Variants in NIBAN1 observed in about 807,000 individuals in gnomAD.
The protein encoded by NIBAN1 is protein Niban 1.
NIBAN1 carries 81 observed loss-of-function variants against 75.1 expected under a neutral mutation model. That is an observed-to-expected ratio of 1.08 (90% CI 0.90 to 1.30). NIBAN1 has a LOEUF of 1.30. NIBAN1 is among the 50% of genes most tolerant of loss of function. The pLI is 0.00. For missense variants in NIBAN1, 1,133 were observed against 1,128.1 expected, an observed-to-expected ratio of 1.00 and a Z score of -0.06; for synonymous variants, 436 against 424.8, an observed-to-expected ratio of 1.03 and a Z score of -0.32.
chr1:184,948,546 A>T (rs1392826881), intron 1 of NIBAN1, among the ~76,000 whole-genome samples: 2 of 152,208 alleles, frequency 1.3e-5, no homozygotes, highest in African/African-American at 4.8e-5. Flanking sequence ...GTGATCAGAG[A>T]TTCATATAAA....
chr1:184,901,913 T>A (rs143939456), intron 1 of NIBAN1, among the ~76,000 whole-genome samples: 1,738 of 152,306 alleles, frequency 0.011, 70 homozygotes, highest in Admixed American at 0.064. Flanking sequence ...AATAACTAGT[T>A]CAAACTATGT....
At chr1:184,897,817 A>G (rs1478071139) in intron 2 of NIBAN1, among the ~76,000 whole-genome samples, 1 of 151,842 alleles carries the variant, frequency 6.6e-6, no homozygotes, top group Non-Finnish European at 1.5e-5. Context: ...CTCACACCCA[A>G]CCCAACAGTA....
chr1:184,896,560 C>A (rs1656806117), intron 2 of NIBAN1, among the ~76,000 whole-genome samples: 1 of 152,026 alleles, frequency 6.6e-6, no homozygotes, highest in African/African-American at 2.4e-5. Flanking sequence ...AGTCCCATTT[C>A]TCTATTTTTG....
chr1:184,818,191 A>T (rs1654591515), intron 9 of NIBAN1, among the ~76,000 whole-genome samples: 1 of 152,170 alleles, frequency 6.6e-6, no homozygotes, highest in South Asian at 2.1e-4. Flanking sequence ...CAAACCAACA[A>T]TGTTCTACAA....
Position 184,959,643 on chromosome 1 carries a change from A to G in NIBAN1, c.55+14659T>C, listed in dbSNP as rs2378948. Among the ~76,000 whole-genome samples, 701 of 152,294 alleles carry G rather than the reference A, an allele frequency of 4.6e-3. 20 individuals are homozygous for G. The highest frequency in any genetic ancestry group is 0.04 in the Admixed American group (618 of 15,302). Reference sequence around the variant, plus strand: ...TGTTGCATTCTTATAAAGAATTTGCACTTTATTCAAGCAGGCAGTTAAGTT... The same window carrying G: ...TGTTGCATTCTTATAAAGAATTTGCGCTTTATTCAAGCAGGCAGTTAAGTT... On this transcript the variant is annotated intron_variant, in intron 1 of 13. Coordinates refer to ENST00000367511, the MANE Select transcript of NIBAN1 (RefSeq NM_052966.4).
chr1:184,939,556 C>A (rs1658039347), intron 1 of NIBAN1, among the ~76,000 whole-genome samples: 1 of 152,204 alleles, frequency 6.6e-6, no homozygotes, highest in Non-Finnish European at 1.5e-5. Context: ...CCATTCCGGA[C>A]ACATTTTAAA....
intron 1 of NIBAN1, among the ~76,000 whole-genome samples, chr1:184,924,844 A>C (rs1265504992): frequency 4.6e-5 from 7 of 152,254 alleles, no homozygotes; most frequent in East Asian, 1.9e-4. Flanking sequence ...GCCACTAATA[A>C]TCCTTTGAAT....
chr1:184,964,513 T>G (rs1049731031), intron 1 of NIBAN1, among the ~76,000 whole-genome samples: 7 of 152,240 alleles, frequency 4.6e-5, no homozygotes, highest in African/African-American at 1.4e-4. Context: ...GCTGGATGAC[T>G]TTGGCCAGGT....
rs139901793 is a variant in NIBAN1 at position 184,875,506 on chromosome 1, G to A, written c.601+9127C>T. 5.1e-3 allele frequency among the ~76,000 whole-genome samples: 771 copies of A among 152,254 alleles called. 7 individuals are homozygous for A. The highest frequency in any genetic ancestry group is 0.017 in the Middle Eastern group (5 of 294). On this transcript the variant is annotated intron_variant, in intron 5 of 13. Transcript: ENST00000367511. ...CAGAGGGACGCTCATGTATTCTCAC[G>A]TGACGACTAGGTTCTCCCAAATAAG... is the stretch of plus-strand genomic sequence containing the variant.
At chr1:184,931,124 CA>C (rs1225420113) in intron 1 of NIBAN1, among the ~76,000 whole-genome samples, 2 of 151,612 alleles carry the variant, frequency 1.3e-5, no homozygotes, top group African/African-American at 4.9e-5. Context: ...CTCAGCCTCT[CA>C]AGTAGCTGGG....
In NIBAN1 at chr1:184,967,984, ATG is replaced by A. The variant is rs1658843004; in HGVS notation, c.55+6316_55+6317del. Reference sequence around the variant, plus strand: ...TTTGGGAGGCCGAGGCGGGTGGATCATGAGGTCAGGAGATCGAGACCATCCTG... The same window carrying A: ...TTTGGGAGGCCGAGGCGGGTGGATCAAGGTCAGGAGATCGAGACCATCCTG... On this transcript the variant is annotated intron_variant, in intron 1 of 13. Transcript: ENST00000367511. 2.0e-4 allele frequency among the ~76,000 whole-genome samples: 2 copies of A among 9,778 alleles called. 1 individual carries two copies. The highest frequency in any genetic ancestry group is 8.5e-4 in the Non-Finnish European group (2 of 2,358). The allele number at this position is 9,778 out of a possible 152,430, so 6.4% of individuals were successfully genotyped here. A position where few individuals can be genotyped will look rare whatever the true frequency, so the allele number is the denominator to read the frequency against.
intron 1 of NIBAN1, among the ~76,000 whole-genome samples, chr1:184,962,083 A>G (rs908037787): frequency 1.3e-5 from 2 of 152,266 alleles, no homozygotes; most frequent in Non-Finnish European, 2.9e-5. Flanking sequence ...AGAGACATCA[A>G]CATAAGGACT....
chr1:184,911,970 C>T (rs1337283945), intron 1 of NIBAN1, among the ~76,000 whole-genome samples: 1 of 152,128 alleles, frequency 6.6e-6, no homozygotes, highest in Non-Finnish European at 1.5e-5. Context: ...CTCTACCCTG[C>T]CCCACAACAT....
At chr1:184,876,778 C>T (rs560375988) in intron 5 of NIBAN1, among the ~76,000 whole-genome samples, 64 of 152,116 alleles carry the variant, frequency 4.2e-4, no homozygotes, top group African/African-American at 1.5e-3. Context: ...AAAGAGAACA[C>T]CTAAGATGAT....
chr1:184,890,145 A>G lies in NIBAN1; in HGVS notation c.396T>C (p.Tyr132=). ...GGAAATGCCTGTCAGACAACAGATT[A>G]TATTCATCTTCTGAGGTTAACACCT... The part of the protein sequence containing the change: ...GGKVLTSEDE[Y]NLLSDRHFPD... The change falls in exon 4 of 14, where the codon TAT becomes TAC. Residue 132 remains tyrosine, a synonymous_variant. Transcript: ENST00000367511. 2 of 1,613,972 alleles carry G rather than the reference A, an allele frequency of 1.2e-6. No homozygotes were observed. The highest frequency in any genetic ancestry group is 1.7e-6 in the Non-Finnish European group (2 of 1,179,866).
chr1:184,837,412 A>G (rs985296319), intron 5 of NIBAN1, among the ~76,000 whole-genome samples: 6 of 152,212 alleles, frequency 3.9e-5, no homozygotes, highest in Admixed American at 1.3e-4. Flanking sequence ...CATTTAATGG[A>G]TGAGGAAACT....
intron 1 of NIBAN1, among the ~76,000 whole-genome samples, chr1:184,949,148 T>A (rs779096104): frequency 2.6e-4 from 39 of 152,080 alleles, no homozygotes; most frequent in Non-Finnish European, 3.8e-4. Flanking sequence ...GGTCAGAAGA[T>A]AGAGACCATC....
At chr1:184,871,347 CAAAAAA>C (rs10658216) in intron 5 of NIBAN1, among the ~76,000 whole-genome samples, 9 of 34,624 alleles carry the variant, frequency 2.6e-4, no homozygotes, top group Non-Finnish European at 6.6e-4. Flanking sequence ...AACTCTATCT[CAAAAAA>C]AAAAAAAAAA....
At position 184,795,551 on chromosome 1, in the gene NIBAN1, C is replaced by G; in HGVS notation, c.2213G>C (p.Ser738Thr). The G allele has an allele frequency of 6.2e-7, 1 of 1,614,162 alleles. No homozygotes were observed. Among genetic ancestry groups the G allele is most frequent in the Admixed American group, 1.7e-5 (1 of 60,030 alleles). The change falls in exon 14 of 14, where the codon AGC (serine) becomes ACC (threonine). Residue 738 changes from serine to threonine, a missense_variant. Ser to Thr is a moderately conservative substitution (Grantham distance 58, BLOSUM62 1). Coordinates refer to ENST00000367511, the MANE Select transcript of NIBAN1 (RefSeq NM_052966.4). ...TTCTTCATTTTCTTGGGGAACGTGGCTCTCCCCATTCGTATCTTCTTCCAT... is the reference window on the plus strand; with the variant it reads ...TTCTTCATTTTCTTGGGGAACGTGGGTCTCCCCATTCGTATCTTCTTCCAT... ...PVMEEDTNGE[S>T]HVPQENEEEE...
Sources: gnomAD v4.1 joint callset for allele counts (sites outside exome capture counted in the v4.1 genomes callset) on GRCh38, gnomAD v4.1.1 for gene constraint, MANE v1.5 for transcripts, NCBI Gene and HGNC (gene_info 2026-07-23, HGNC 2026-07-21) for gene names.